The following UGGT2 variants were observed in gnomAD, a reference collection of about 807,000 sequenced individuals.
The protein encoded by UGGT2 is UDP-glucose glycoprotein glucosyltransferase 2, also known as UDP-glucose:glycoprotein glucosyltransferase 2.
UGGT2 carries 180 observed loss-of-function variants against 192.1 expected under a neutral mutation model. The ratio of observed to expected loss-of-function variants is 0.94; its 90% CI spans 0.83 to 1.06. The LOEUF is 1.06. UGGT2 is among the 50% of genes least tolerant of loss of function. The probability of loss-of-function intolerance (pLI) is 0.00; values close to 1 mark genes in which losing one functional copy is unlikely to be tolerated. For synonymous variants in UGGT2, 580 were observed against 591.0 expected (o/e 0.98, Z 0.27); for missense variants, 1,849 against 1,795.7 (o/e 1.03, Z -0.54).
intron 37 of UGGT2, among the ~76,000 whole-genome samples, chr13:95,834,393 G>A (rs1887061623): frequency 6.6e-6 from 1 of 152,024 alleles, no homozygotes; most frequent in Admixed American, 6.6e-5. Flanking sequence ...GGCCAGAAAT[G>A]CTGCTGAATA....
chr13:96,032,687 C>G lies in UGGT2; in HGVS notation c.159-716G>C, dbSNP rs141715883. ...CTAGAAACAAAACAGCCACCATACA[C>G]ATGGTGCTGATTATTTGTTATTGCC... On this transcript the variant is annotated intron_variant, in intron 1 of 38. Coordinates refer to ENST00000376747, the MANE Select transcript of UGGT2 (RefSeq NM_020121.4). Among the ~76,000 whole-genome samples the G allele has an allele frequency of 3.3e-3, 508 of 152,310 alleles. 3 individuals are homozygous for G. The highest frequency in any genetic ancestry group is 0.012 in the African/African-American group (481 of 41,574).
At chr13:95,816,530 A>G (rs1288424596) in intron 38 of UGGT2, among the ~76,000 whole-genome samples, 1 of 152,254 alleles carries the variant, frequency 6.6e-6, no homozygotes, top group Non-Finnish European at 1.5e-5. Flanking sequence ...ATAGAATAGT[A>G]TATCTATACA....
intron 4 of UGGT2, among the ~76,000 whole-genome samples, chr13:96,021,015 A>G (rs552726916): frequency 6.6e-6 from 1 of 152,370 alleles, no homozygotes; most frequent in Non-Finnish European, 1.5e-5. Flanking sequence ...ATATGGACTT[A>G]GATGGATCCT....
intron 10 of UGGT2, among the ~76,000 whole-genome samples, chr13:95,978,064 C>T (rs1443477676): frequency 6.6e-6 from 1 of 151,966 alleles, no homozygotes; most frequent in African/African-American, 2.4e-5. Flanking sequence ...GGACAAATAC[C>T]TAAAGTATGC....
At position 95,902,938 on chromosome 13, in the gene UGGT2, C is replaced by G; in HGVS notation, c.2418G>C (p.Leu806Phe). 1 of 1,613,538 alleles carries G rather than the reference C, an allele frequency of 6.2e-7. No homozygotes were observed. Among genetic ancestry groups the G allele is most frequent in the South Asian group, 1.1e-5 (1 of 91,056 alleles). ...TTGCCAGTTGCCCAAGAAAGCTTCT[C>G]AAAAACATGTTCTTCTGTGTAAGAA... Reference protein sequence around the residue: ...AAFLTQKNMFLRSFLGQLAKE... With the variant: ...AAFLTQKNMFFRSFLGQLAKE... The change falls in exon 21 of 39, where the codon TTG (leucine) becomes TTC (phenylalanine). Residue 806 changes from leucine to phenylalanine, a missense_variant. Physicochemically the swap from Leu to Phe is conservative, Grantham distance 22. Transcript: ENST00000376747.
chr13:95,921,395 G>C (rs1018631747), intron 20 of UGGT2, among the ~76,000 whole-genome samples: 3 of 150,318 alleles, frequency 2.0e-5, no homozygotes, highest in Non-Finnish European at 3.0e-5. Context: ...TGTTGTTGTT[G>C]CTGTTTTCCA....
At chr13:95,981,852 A>C (rs1443066575) in intron 10 of UGGT2, among the ~76,000 whole-genome samples, 1 of 152,140 alleles carries the variant, frequency 6.6e-6, no homozygotes, top group Non-Finnish European at 1.5e-5. Context: ...TTCTTTAATT[A>C]CTTCTCCCAC....
chr13:95,809,333 G>T, intron 38 of UGGT2: 1 of 475,860 alleles, frequency 2.1e-6, no homozygotes. Context: ...TTTCTCTCTA[G>T]CTTCATTGGA....
chr13:95,813,054 C>T (rs936051022), intron 38 of UGGT2, among the ~76,000 whole-genome samples: 4 of 151,598 alleles, frequency 2.6e-5, no homozygotes, highest in African/African-American at 9.7e-5. Context: ...TTATAAATCA[C>T]CCAGTCTCAG....
chr13:95,914,528 A>G (rs1171573788), intron 20 of UGGT2, among the ~76,000 whole-genome samples: 1 of 146,558 alleles, frequency 6.8e-6, no homozygotes, highest in Non-Finnish European at 1.5e-5. Flanking sequence ...TAATCCCAGC[A>G]CTTTGGGAGG....
intron 22 of UGGT2, among the ~76,000 whole-genome samples, chr13:95,900,122 TTGTA>T (rs1451386029): frequency 3.9e-5 from 6 of 152,132 alleles, no homozygotes; most frequent in Non-Finnish European, 7.4e-5. Context: ...TCCACTTATT[TTGTA>T]TGTGTCTACA....
chr13:95,999,240 T>C lies in UGGT2; in HGVS notation c.728A>G (p.Tyr243Cys). The change falls in exon 6 of 39, where the codon TAC (tyrosine) becomes TGC (cysteine). Residue 243 changes from tyrosine (Y) to cysteine (C), a missense_variant. By Grantham distance (194) the Tyr-to-Cys change is radical. Transcript: ENST00000376747. ...AACTTGGGTATCATCCAGTGCTTTG[T>C]ATTCTGTACTCTTAATTGCTAGCTC... Reference protein sequence around the residue: ...GVELAIKSTEYKALDDTQVKT... With the variant: ...GVELAIKSTECKALDDTQVKT... 2 of 1,613,670 alleles carry C rather than the reference T, an allele frequency of 1.2e-6. No homozygotes were observed. Among genetic ancestry groups the C allele is most frequent in the East Asian group, 2.2e-5 (1 of 44,796 alleles).
rs117764528 is a variant in UGGT2, at chr13:95,817,308, C to T, written c.4529-15496G>A. The stretch of plus-strand genomic sequence containing the variant: ...ATACTCAGATTAAAAGGAAAGATCA[C>T]GTGCAGTGCCTCAGGCCTGTAATCC... On this transcript the variant is annotated intron_variant, in intron 38 of 38. Transcript: ENST00000376747. Among the ~76,000 whole-genome samples the T allele has an allele frequency of 8.6e-5, 13 of 151,890 alleles. No individual in the cohort carries two copies. The East Asian group carries it at 2.0e-3, about 23-fold the overall frequency.
chr13:95,802,387 A>G (rs1029814675), intron 38 of UGGT2, among the ~76,000 whole-genome samples: 4 of 152,254 alleles, frequency 2.6e-5, no homozygotes, highest in Non-Finnish European at 4.4e-5. Flanking sequence ...ATTTTCAGGC[A>G]GAAATTAAAT....
intron 10 of UGGT2, among the ~76,000 whole-genome samples, chr13:95,980,387 T>C (rs770347886): frequency 4.1e-4 from 62 of 152,122 alleles, no homozygotes; most frequent in Non-Finnish European, 8.2e-4. Flanking sequence ...CTCACTCATA[T>C]GTGGGAGCTA....
At chr13:95,857,380 G>A (rs1317516086) in intron 33 of UGGT2, among the ~76,000 whole-genome samples, 5 of 152,006 alleles carry the variant, frequency 3.3e-5, no homozygotes, top group East Asian at 1.9e-4. Flanking sequence ...ACCTTCATGA[G>A]GCTTGTATTT....
chr13:95,837,915 TC>T (rs10710660), intron 36 of UGGT2, among the ~76,000 whole-genome samples: 55,234 of 151,940 alleles, frequency 0.36, 10,431 homozygotes, highest in Non-Finnish European at 0.42. Context: ...ATTTTAAGGT[TC>T]TTCTCTCAAC....
intron 38 of UGGT2, among the ~76,000 whole-genome samples, chr13:95,829,348 G>C (rs528694843): frequency 6.6e-6 from 1 of 152,132 alleles, no homozygotes; most frequent in Non-Finnish European, 1.5e-5. Context: ...AGAAATAAAG[G>C]GTATTCAATT....
chr13:95,882,676 G>A (rs2047526626), intron 27 of UGGT2, among the ~76,000 whole-genome samples: 4 of 152,156 alleles, frequency 2.6e-5, no homozygotes, highest in Admixed American at 2.6e-4. Context: ...TTCAGAGTTA[G>A]AGCTAGTGTT....
Sources: gnomAD v4.1 joint callset for allele counts (sites outside exome capture counted in the v4.1 genomes callset) on GRCh38, gnomAD v4.1.1 for gene constraint, MANE v1.5 for transcripts, NCBI Gene and HGNC (gene_info 2026-07-23, HGNC 2026-07-21) for gene names.